The following ADGRB1 variants were observed in gnomAD, a reference collection of about 807,000 sequenced individuals.
The protein encoded by ADGRB1 is brain-specific angiogenesis inhibitor 1.
A neutral mutation model predicts 175.7 loss-of-function variants in ADGRB1; 36 were observed. That is an observed-to-expected ratio of 0.20 (90% CI 0.16 to 0.27). The LOEUF is 0.27. Ranked by LOEUF, ADGRB1 falls within the 10% of genes least tolerant of loss-of-function variation. ADGRB1 has a pLI of 1.00. For missense variants in ADGRB1, 1,731 were observed against 2,255.3 expected (o/e 0.77, Z 4.71); for synonymous variants, 1,054 against 979.4 (o/e 1.08, Z -1.42).
At chr8:142,521,716 G>A (rs550182378) in intron 20 of ADGRB1, among the ~76,000 whole-genome samples, 1 of 152,358 alleles carries the variant, frequency 6.6e-6, no homozygotes, top group South Asian at 2.1e-4. Context: ...AGCATTTGGT[G>A]TGGCTATGAA....
intron 2 of ADGRB1, among the ~76,000 whole-genome samples, chr8:142,473,599 A>T (rs1840778616): frequency 1.3e-5 from 2 of 152,000 alleles, no homozygotes; most frequent in South Asian, 4.1e-4. Context: ...TGAGTCCCCC[A>T]CCTCTCCTGG....
chr8:142,484,892 C>G, intron 13 of ADGRB1, 128 bp downstream of exon 13: 1 of 708,664 alleles, frequency 1.4e-6, no homozygotes, highest in Non-Finnish European at 2.3e-6. Flanking sequence ...CCCTCCCAGC[C>G]GATTTCTCAG....
In ADGRB1 at chr8:142,522,079, C is replaced by T. The variant is rs748178285; in HGVS notation, c.3139C>T (p.Arg1047Cys). ...GGCGGTGACGGGCCACCTCCGGAAC[C>T]GCCTCATCCGCAAGCGCTTCCTCTG... The part of the protein sequence containing the change: ...YMAVTGHLRN[R>C]LIRKRFLCLG... Residue 1047 changes from arginine to cysteine, a missense_variant, in exon 21 of 31, where the codon CGC becomes TGC. Physicochemically the swap from Arg to Cys is radical, Grantham distance 180 (BLOSUM62 -3). Around this residue, in one of 8 missense-constraint regions of ADGRB1, gnomAD observed 301 missense variants for 488.4 expected, o/e 0.62. Coordinates refer to ENST00000517894, the MANE Select transcript of ADGRB1 (RefSeq NM_001702.3). 7.4e-6 allele frequency: 12 copies of T among 1,611,944 alleles called. No homozygotes were observed. The highest frequency in any genetic ancestry group is 1.1e-5 in the South Asian group (1 of 91,066).
At chr8:142,451,847 C>A (rs1175178544) in intron 1 of ADGRB1, among the ~76,000 whole-genome samples, 1 of 152,180 alleles carries the variant, frequency 6.6e-6, no homozygotes, top group East Asian at 1.9e-4. Context: ...GCGACCCCGG[C>A]TGCCGAGGAG....
chr8:142,450,449 C>T (rs1000650505), intron 1 of ADGRB1, among the ~76,000 whole-genome samples: 3 of 152,108 alleles, frequency 2.0e-5, no homozygotes, highest in Admixed American at 1.3e-4. Flanking sequence ...ATCACATGCA[C>T]AGGGCAGGCT....
In ADGRB1 at chr8:142,492,410, C is replaced by T. The variant is rs528101596; in HGVS notation, c.2675+1595C>T. Among the ~76,000 whole-genome samples the T allele has an allele frequency of 5.3e-5, 8 of 152,180 alleles. No homozygotes were observed. The East Asian group carries it at 5.8e-4, about 11-fold the overall frequency. On this transcript the variant is annotated intron_variant, in intron 17 of 30. Transcript: ENST00000517894. The surrounding 1 kb of genome is among the most constrained non-coding windows in gnomAD (Gnocchi z 4.4). ...TGGTGATGCCCGGCCGTGCATGGGCCGGGAAGGGAAGCTAGCAGGGTCTGG... is the reference window on the plus strand; with the variant it reads ...TGGTGATGCCCGGCCGTGCATGGGCTGGGAAGGGAAGCTAGCAGGGTCTGG...
chr8:142,528,377 G>A (rs978223887), intron 24 of ADGRB1, among the ~76,000 whole-genome samples: 8 of 152,078 alleles, frequency 5.3e-5, no homozygotes, highest in African/African-American at 1.4e-4. Flanking sequence ...CAGCGCCCAC[G>A]CCCCAGGCCT....
intron 7 of ADGRB1, chr8:142,479,057 T>C: frequency 2.6e-6 from 1 of 388,258 alleles, no homozygotes; most frequent in South Asian, 7.8e-5. Flanking sequence ...GGCCGTGGGG[T>C]AGTAGGGTGC....
At chr8:142,468,931 T>C (rs1376379585) in intron 2 of ADGRB1, among the ~76,000 whole-genome samples, 1 of 152,238 alleles carries the variant, frequency 6.6e-6, no homozygotes, top group Non-Finnish European at 1.5e-5. Flanking sequence ...TTCCCTGACG[T>C]GCCCCCCAAC....
Position 142,464,757 on chromosome 8 carries a change from C to A in ADGRB1, c.559C>A (p.Gln187Lys). Residue 187 changes from glutamine (Q) to lysine (K), a missense_variant, in exon 2 of 31, where the codon CAG (glutamine) becomes AAG (lysine). Physicochemically the swap from Gln to Lys is moderately conservative, Grantham distance 53. This residue lies in a region of ADGRB1 where 383 missense variants were observed against 383.1 expected (regional missense o/e 1.00). Transcript: ENST00000517894. ...CCGCAACCCCAGCCGTGCCGCCTGC[C>A]AGATGCTGTGCCGCTGGCTGGACGC... is the stretch of plus-strand genomic sequence containing the variant. ...GNRNPSRAACQMLCRWLDACL... is the reference protein window; with the variant it reads ...GNRNPSRAACKMLCRWLDACL... The A allele has an allele frequency of 2.0e-6, 3 of 1,534,996 alleles. No individual in the cohort carries two copies. The highest frequency in any genetic ancestry group is 2.6e-6 in the Non-Finnish European group (3 of 1,145,738).
At chr8:142,527,919 G>A (rs914500833) in intron 24 of ADGRB1, among the ~76,000 whole-genome samples, 2 of 152,212 alleles carry the variant, frequency 1.3e-5, no homozygotes, top group Non-Finnish European at 2.9e-5. Context: ...AGGCCAGGTG[G>A]GCACACACTA....
At position 142,522,057 on chromosome 8, in the gene ADGRB1, G is replaced by C. The variant is rs7460600; in HGVS notation, c.3117G>C (p.Ala1039=). 1,557,005 of 1,612,860 alleles carry C rather than the reference G, an allele frequency of 0.97. 753,084 individuals are homozygous for C. The highest frequency in any genetic ancestry group is 0.98 in the Non-Finnish European group (1,151,868 of 1,179,710). ...CCGAGGCCTGGCAGTCCTACATGGC[G>C]GTGACGGGCCACCTCCGGAACCGCC... The part of the protein sequence containing the change: ...VLTEAWQSYM[A]VTGHLRNRLI... The change falls in exon 21 of 31, where the codon GCG becomes GCC. Residue 1039 remains alanine, a synonymous_variant. Transcript: ENST00000517894.
At chr8:142,491,863 C>T (rs1013729537) in intron 17 of ADGRB1, among the ~76,000 whole-genome samples, 4 of 152,098 alleles carry the variant, frequency 2.6e-5, no homozygotes, top group African/African-American at 7.2e-5. Flanking sequence ...GAGTGGCAGG[C>T]GTTGGAGGAC....
At chr8:142,480,734 C>G (rs6583635) in intron 9 of ADGRB1, among the ~76,000 whole-genome samples, 116,029 of 152,116 alleles carry the variant, frequency 0.76, 44,957 homozygotes, top group South Asian at 0.84. Context: ...AAACACTCAG[C>G]TGTCCCTGTT....
intron 1 of ADGRB1, among the ~76,000 whole-genome samples, chr8:142,459,251 G>T (rs574787544): frequency 1.3e-5 from 2 of 152,358 alleles, no homozygotes; most frequent in Non-Finnish European, 2.9e-5. Context: ...GAAGCACGGA[G>T]CATGGATTTT....
intron 26 of ADGRB1, among the ~76,000 whole-genome samples, chr8:142,538,369 T>A (rs1211875129): frequency 6.6e-6 from 1 of 152,160 alleles, no homozygotes; most frequent in Non-Finnish European, 1.5e-5. Context: ...CCACTTCGGC[T>A]CTTGGGTGAC....
At chr8:142,506,020 TGGCGCCTGTG>T (rs1391632045) in intron 17 of ADGRB1, among the ~76,000 whole-genome samples, 4 of 152,184 alleles carry the variant, frequency 2.6e-5, no homozygotes, top group South Asian at 2.1e-4. Context: ...CCTACCTTAG[TGGCGCCTGTG>T]GGCGCCTGTG....
intron 20 of ADGRB1, 77 bp from the exon 21 acceptor site, chr8:142,521,888 C>A: frequency 6.7e-7 from 1 of 1,497,934 alleles, no homozygotes; most frequent in Admixed American, 2.0e-5. Context: ...CTGCCAGCTG[C>A]AGACAGGCAC....
intron 18 of ADGRB1, among the ~76,000 whole-genome samples, chr8:142,515,460 C>T (rs765677804): frequency 3.1e-4 from 47 of 152,026 alleles, no homozygotes; most frequent in African/African-American, 6.3e-4. Context: ...GGAGAGCTGG[C>T]GGGTTTGCGG....
Sources: gnomAD v4.1 joint callset for allele counts (sites outside exome capture counted in the v4.1 genomes callset) on GRCh38, gnomAD v4.1.1 for gene constraint, gnomAD v4.1.1 regional missense constraint, Gnocchi (gnomAD v3.1) non-coding constraint, MANE v1.5 for transcripts, NCBI Gene and HGNC (gene_info 2026-07-23, HGNC 2026-07-21) for gene names.